The following FGD4 variants were observed in gnomAD, a reference collection of about 807,000 sequenced individuals.
FGD4 encodes FYVE, RhoGEF and PH domain containing 4.
In FGD4, 42 loss-of-function variants were observed where a neutral mutation model predicts 102.0. That is an observed-to-expected ratio of 0.41 (90% CI 0.32 to 0.53). FGD4 has a LOEUF of 0.53. FGD4 is among the 20% of genes least tolerant of loss of function. The pLI is 0.21. For synonymous variants in FGD4, 380 were observed against 375.7 expected (o/e 1.01, Z -0.13); for missense variants, 902 against 1,078.2 (o/e 0.84, Z 2.29).
At chr12:32,403,785 C>T (rs946674906) in intron 1 of FGD4, among the ~76,000 whole-genome samples, 10 of 151,850 alleles carry the variant, frequency 6.6e-5, no homozygotes, top group Admixed American at 1.3e-4. Context: ...TTAGTAGAGA[C>T]GGGGTTTCAC....
At chr12:32,410,686 A>T (rs995568277) in intron 1 of FGD4, among the ~76,000 whole-genome samples, 1 of 152,072 alleles carries the variant, frequency 6.6e-6, no homozygotes, top group African/African-American at 2.4e-5. Context: ...GCACATGCAC[A>T]TCCGTTCATT....
At chr12:32,480,964 C>T (rs530404720) in intron 1 of FGD4, among the ~76,000 whole-genome samples, 41 of 151,402 alleles carry the variant, frequency 2.7e-4, no homozygotes, top group African/African-American at 5.8e-4. Context: ...TGGCCACACC[C>T]GGCCAATGTA....
chr12:32,588,465 G>T (rs1947226153), intron 4 of FGD4, among the ~76,000 whole-genome samples: 1 of 152,166 alleles, frequency 6.6e-6, no homozygotes, highest in Admixed American at 6.5e-5. Flanking sequence ...AGCAGAAACG[G>T]AGAAGTCATG....
At chr12:32,463,113 A>C (rs1210467847) in intron 1 of FGD4, among the ~76,000 whole-genome samples, 1 of 152,234 alleles carries the variant, frequency 6.6e-6, no homozygotes, top group Non-Finnish European at 1.5e-5. Context: ...ACCAGTGTTG[A>C]ACAGGTGCCT....
intron 1 of FGD4, chr12:32,485,848 A>C: frequency 8.3e-7 from 1 of 1,209,440 alleles, no homozygotes; most frequent in Non-Finnish European, 1.0e-6. Flanking sequence ...CCGGTATTCT[A>C]GAGCTCTCTC....
At chr12:32,403,005 C>A (rs1940755131) in intron 1 of FGD4, among the ~76,000 whole-genome samples, 1 of 152,116 alleles carries the variant, frequency 6.6e-6, no homozygotes, top group South Asian at 2.1e-4. Context: ...ATTTAAGTTA[C>A]TGAAAAGTGC....
chr12:32,511,440 C>T (rs920204837), intron 1 of FGD4, among the ~76,000 whole-genome samples: 8 of 152,078 alleles, frequency 5.3e-5, no homozygotes, highest in African/African-American at 1.9e-4. Flanking sequence ...CTTGGGACTA[C>T]AGGTGCCCAC....
intron 1 of FGD4, among the ~76,000 whole-genome samples, chr12:32,461,299 C>G (rs1008779132): frequency 6.6e-6 from 1 of 152,100 alleles, no homozygotes; most frequent in Non-Finnish European, 1.5e-5. Flanking sequence ...TCACCCTTTT[C>G]AGATGAGAGT....
At chr12:32,578,950 C>G (rs1946352980) in intron 3 of FGD4, among the ~76,000 whole-genome samples, 1 of 150,560 alleles carries the variant, frequency 6.6e-6, no homozygotes, top group Admixed American at 6.6e-5. Flanking sequence ...TTCTCTCTTT[C>G]AGGTTAAGAG....
At chr12:32,501,773 C>G (rs904725469) in intron 1 of FGD4, among the ~76,000 whole-genome samples, 9 of 152,192 alleles carry the variant, frequency 5.9e-5, no homozygotes, top group African/African-American at 2.2e-4. Flanking sequence ...GCTGATGAAG[C>G]TTAGATTTCT....
At chr12:32,594,447 A>G (rs1346539270) in intron 4 of FGD4, among the ~76,000 whole-genome samples, 1 of 152,200 alleles carries the variant, frequency 6.6e-6, no homozygotes, top group Non-Finnish European at 1.5e-5. Flanking sequence ...CACTGATTCA[A>G]CATTATGGTG....
chr12:32,466,257 C>T (rs1333189986), intron 1 of FGD4, among the ~76,000 whole-genome samples: 1 of 152,054 alleles, frequency 6.6e-6, no homozygotes, highest in Non-Finnish European at 1.5e-5. Context: ...ACTGAACCTG[C>T]AGTATCTCTG....
chr12:32,630,695 A>G (rs1950450374), intron 14 of FGD4, among the ~76,000 whole-genome samples: 1 of 152,068 alleles, frequency 6.6e-6, no homozygotes, highest in Non-Finnish European at 1.5e-5. Flanking sequence ...ATGTGCTTGT[A>G]ATCCCAGATA....
chr12:32,430,043 T>C (rs2728681), intron 1 of FGD4, among the ~76,000 whole-genome samples: 82,432 of 152,042 alleles, frequency 0.54, 23,620 homozygotes, highest in African/African-American at 0.74. Context: ...CGCGCTGGCT[T>C]ATGCCTGTAA....
Position 32,608,012 on chromosome 12 carries a change from A to G in FGD4, c.1460A>G (p.Gln487Arg), listed in dbSNP as rs759629502. 6.2e-7 allele frequency: 1 copy of G among 1,614,150 alleles called. No homozygotes were observed. The highest frequency in any genetic ancestry group is 8.5e-7 in the Non-Finnish European group (1 of 1,180,052). The change falls in exon 8 of 17, where the codon CAG becomes CGG. Residue 487 changes from glutamine to arginine, a missense_variant. Physicochemically the swap from Gln to Arg is conservative, Grantham distance 43. Transcript: ENST00000534526. ...CAGCATCACATGCTAGAACCTGTTC[A>G]GCGGATTCCCCGGTATGAGATGCTC... ...TLQHHMLEPV[Q>R]RIPRYEMLLK...
intron 1 of FGD4, among the ~76,000 whole-genome samples, chr12:32,553,969 G>A (rs1220788525): frequency 6.6e-6 from 1 of 152,154 alleles, no homozygotes; most frequent in Non-Finnish European, 1.5e-5. Flanking sequence ...GTGCATGCCT[G>A]TAGTCACAGC....
At chr12:32,630,680 G>A (rs1950449014) in intron 14 of FGD4, among the ~76,000 whole-genome samples, 1 of 152,086 alleles carries the variant, frequency 6.6e-6, no homozygotes, top group Admixed American at 6.6e-5. Flanking sequence ...GCTGGGTGTG[G>A]TGGCATGTGC....
intron 4 of FGD4, among the ~76,000 whole-genome samples, chr12:32,592,304 C>T (rs1947550309): frequency 6.6e-6 from 1 of 151,246 alleles, no homozygotes; most frequent in South Asian, 2.1e-4. Flanking sequence ...TTTGATATCT[C>T]TATTTAAAAT....
In FGD4 at chr12:32,563,085, CGGGGG is replaced by C. The variant is rs1191790461; in HGVS notation, c.167-1050_167-1046del. 3.2e-3 allele frequency among the ~76,000 whole-genome samples: 467 copies of C among 146,782 alleles called. 6 individuals are homozygous for C. The highest frequency in any genetic ancestry group is 0.011 in the African/African-American group (445 of 39,910). ...CTCCCGGACGGGGCGGCTGGCCGGG[CGGGGG>C]GCTGACCCCCCCCACCTCCCTCCCG... On this transcript the variant is annotated intron_variant, in intron 1 of 16. Transcript: ENST00000534526.
Sources: allele counts gnomAD v4.1 joint callset (sites outside exome capture counted in the v4.1 genomes callset), GRCh38; gene constraint gnomAD v4.1.1; transcripts MANE v1.5; gene names NCBI Gene and HGNC (gene_info 2026-07-23, HGNC 2026-07-21).